Variants in MYOCD observed in about 807,000 individuals in gnomAD.
MYOCD encodes myocardin.
Under a neutral mutation model 96.1 loss-of-function variants are expected in MYOCD, and 32 were observed. The ratio of observed to expected loss-of-function variants is 0.33; its 90% CI spans 0.25 to 0.45. The LOEUF is 0.45. MYOCD is among the 20% of genes least tolerant of loss of function. The pLI is 1.00. For synonymous variants in MYOCD, 469 were observed against 469.0 expected, an observed-to-expected ratio of 1.00 and a Z score of 0.00; for missense variants, 1,133 against 1,200.6, an observed-to-expected ratio of 0.94 and a Z score of 0.83.
intron 1 of MYOCD, among the ~76,000 whole-genome samples, chr17:12,687,594 T>C (rs1343074851): frequency 1.3e-5 from 2 of 152,354 alleles, no homozygotes; most frequent in African/African-American, 2.4e-5. Flanking sequence ...AAGTATATAA[T>C]AAACAGAAAC....
At chr17:12,712,327 A>G (rs1203038282) in intron 2 of MYOCD, among the ~76,000 whole-genome samples, 1 of 152,140 alleles carries the variant, frequency 6.6e-6, no homozygotes, top group African/African-American at 2.4e-5. Flanking sequence ...CTGCAGCTGA[A>G]TGGTCCCATT....
At chr17:12,702,182 C>A (rs1411109138) in intron 1 of MYOCD, among the ~76,000 whole-genome samples, 1 of 151,814 alleles carries the variant, frequency 6.6e-6, no homozygotes, top group East Asian at 1.9e-4. Flanking sequence ...CTATTTATTC[C>A]TTTAATTCTG....
chr17:12,666,504 G>A lies in MYOCD; in HGVS notation c.55+261G>A, dbSNP rs554759495. On this transcript the variant is annotated intron_variant, in intron 1 of 13. Coordinates refer to ENST00000425538, the MANE Select transcript of MYOCD (RefSeq NM_001146312.3). ...TTTATTTTATTTTCTCTGCATCTAT[G>A]AATAGAAATTTTGGAGGGGTACATT... Among the ~76,000 whole-genome samples, 3 of 152,220 alleles carry A rather than the reference G, an allele frequency of 2.0e-5. No individual in the cohort carries two copies. The South Asian group carries it at 6.2e-4, about 32-fold the overall frequency.
intron 1 of MYOCD, among the ~76,000 whole-genome samples, chr17:12,692,967 C>A (rs559266859): frequency 6.6e-6 from 1 of 152,156 alleles, no homozygotes; most frequent in South Asian, 2.1e-4. Context: ...GGTCGCAGCT[C>A]CCGTGTTGTG....
At chr17:12,755,866 C>T (rs1407074316) in intron 10 of MYOCD, among the ~76,000 whole-genome samples, 1 of 151,852 alleles carries the variant, frequency 6.6e-6, no homozygotes, top group South Asian at 2.1e-4. Flanking sequence ...AGTGAGACTC[C>T]GTCTAAAAAT....
chr17:12,753,202 A>T lies in MYOCD; in HGVS notation c.1914A>T (p.Ser638=). ...FLSPQCSPQH[S]PLGAVKSPQH... Reference sequence around the variant, plus strand: ...GCCCCCAGTGTTCCCCTCAGCATTCACCGCTGGGGGCTGTGAAAAGCCCAC... The same window carrying T: ...GCCCCCAGTGTTCCCCTCAGCATTCTCCGCTGGGGGCTGTGAAAAGCCCAC... The change falls in exon 10 of 14, where the codon TCA becomes TCT. Residue 638 remains serine (S), a synonymous_variant. Transcript: ENST00000425538. 6.2e-7 allele frequency: 1 copy of T among 1,614,054 alleles called. No individual in the cohort carries two copies. Among genetic ancestry groups the T allele is most frequent in the East Asian group, 2.2e-5 (1 of 44,850 alleles).
chr17:12,705,009 C>A, intron 1 of MYOCD, 119 bp from the exon 2 acceptor site: 1 of 670,642 alleles, frequency 1.5e-6, no homozygotes, highest in Non-Finnish European at 2.6e-6. Context: ...AAATGTACTT[C>A]AAATAATTTA....
In MYOCD at chr17:12,752,007, C is replaced by T. The variant is rs527531370; in HGVS notation, c.1126-407C>T. On this transcript the variant is annotated intron_variant, in intron 9 of 13. Coordinates refer to ENST00000425538, the MANE Select transcript of MYOCD (RefSeq NM_001146312.3). ...AGAACGTGGTAGGAAGAGCCCTCACCAAGGAAGCCAGAAAAGCTGCAGACT... is the reference window on the plus strand; with the variant it reads ...AGAACGTGGTAGGAAGAGCCCTCACTAAGGAAGCCAGAAAAGCTGCAGACT... Among the ~76,000 whole-genome samples the T allele has an allele frequency of 4.6e-5, 7 of 152,228 alleles. No homozygotes were observed. In the South Asian group the frequency reaches 1.5e-3, roughly 32 times the overall value.
Position 12,763,287 on chromosome 17 carries a change from G to A in MYOCD, c.2604G>A (p.Met868Ile), listed in dbSNP as rs774532349. The change falls in exon 14 of 14, where the codon ATG becomes ATA. Residue 868 changes from methionine (M) to isoleucine (I), a missense_variant. Coordinates refer to ENST00000425538, the MANE Select transcript of MYOCD (RefSeq NM_001146312.3). ...ATTCCCAGAGCCCCCTAGGAAAGAT[G>A]AGTGATGTCACCCTTCTAAAAATTG... ...LLNSQSPLGKMSDVTLLKIGS... is the reference protein window; with the variant it reads ...LLNSQSPLGKISDVTLLKIGS... 1.2e-6 allele frequency: 2 copies of A among 1,612,848 alleles called. No individual in the cohort carries two copies. Among genetic ancestry groups the A allele is most frequent in the Admixed American group, 1.7e-5 (1 of 59,780 alleles).
rs1314324609 is a variant in MYOCD at position 12,756,288 on chromosome 17, A to G, written c.2059-126A>G. ...AGATTTTAGGCAAGTTCATCTGGTA[A>G]TGGAATTTAGGAAGGTTTGTAAAAA... On this transcript the variant is annotated intron_variant, in intron 10 of 13. Transcript: ENST00000425538. 3 of 1,133,396 alleles carry G rather than the reference A, an allele frequency of 2.6e-6. No individual in the cohort carries two copies. In the East Asian group the frequency reaches 7.7e-5, roughly 29 times the overall value. The allele number at this position is 1,133,396 out of a possible 1,614,324, so 70.2% of individuals were successfully genotyped here. A position where few individuals can be genotyped will look rare whatever the true frequency, so the allele number is the denominator to read the frequency against.
chr17:12,731,590 T>C (rs1241973545), intron 5 of MYOCD, among the ~76,000 whole-genome samples: 1 of 152,186 alleles, frequency 6.6e-6, no homozygotes, highest in Admixed American at 6.5e-5. Flanking sequence ...GTGCTTTCCA[T>C]ATGTTATTAC....
intron 10 of MYOCD, among the ~76,000 whole-genome samples, chr17:12,755,064 C>A (rs929559320): frequency 1.3e-5 from 2 of 152,170 alleles, no homozygotes; most frequent in Admixed American, 1.3e-4. Flanking sequence ...CCTACAGGAA[C>A]AATGCATTCC....
chr17:12,754,808 T>A (rs2032966706), intron 10 of MYOCD, among the ~76,000 whole-genome samples: 1 of 152,228 alleles, frequency 6.6e-6, no homozygotes, highest in Non-Finnish European at 1.5e-5. Context: ...ACCTGCTAAG[T>A]GCCAAGCATT....
At position 12,763,932 on chromosome 17, in the gene MYOCD, T is replaced by G; in HGVS notation, c.*288T>G. On this transcript the variant is annotated 3_prime_UTR_variant, in exon 14 of 14. Coordinates refer to ENST00000425538, the MANE Select transcript of MYOCD (RefSeq NM_001146312.3). ...ATTTCACTGCCTTTTCAAAGACCAG[T>G]ATATTTTCTAGCCCATAATTTTTCT... The G allele has an allele frequency of 3.7e-6, 1 of 271,946 alleles. No individual in the cohort carries two copies. Among genetic ancestry groups the G allele is most frequent in the Non-Finnish European group, 6.8e-6 (1 of 146,588 alleles). The allele number at this position is 271,946 out of a possible 1,614,324, so 16.8% of individuals were successfully genotyped here. A position where few individuals can be genotyped will look rare whatever the true frequency, so the allele number is the denominator to read the frequency against.
At position 12,763,208 on chromosome 17, in the gene MYOCD, T is replaced by A. The variant is rs752491187; in HGVS notation, c.2525T>A (p.Ile842Asn). 1.2e-6 allele frequency: 2 copies of A among 1,614,022 alleles called. No individual in the cohort carries two copies. Among genetic ancestry groups the A allele is most frequent in the South Asian group, 2.2e-5 (2 of 91,072 alleles). Residue 842 changes from isoleucine to asparagine, a missense_variant, in exon 14 of 14, where the codon ATC becomes AAC. Transcript: ENST00000425538. ...SFEQASSGSQ[I>N]PFDPYATDSD... ...GAACAAGCCTCTTCAGGCAGCCAGA[T>A]CCCCTTTGATCCCTATGCCACCGAC...
At chr17:12,712,615 G>A (rs2031515087) in intron 2 of MYOCD, among the ~76,000 whole-genome samples, 1 of 152,132 alleles carries the variant, frequency 6.6e-6, no homozygotes, top group Non-Finnish European at 1.5e-5. Flanking sequence ...TATATGCTCG[G>A]CTGACCCAAA....
chr17:12,699,586 CA>C (rs1597752994), intron 1 of MYOCD, among the ~76,000 whole-genome samples: 1 of 152,110 alleles, frequency 6.6e-6, no homozygotes, highest in Admixed American at 6.6e-5. Context: ...TCATATTTAC[CA>C]GGACAACAAA....
At chr17:12,734,504 CTTTTTTTTTTTTT>C (rs3050319) in intron 5 of MYOCD, among the ~76,000 whole-genome samples, 1 of 65,470 alleles carries the variant, frequency 1.5e-5, no homozygotes, top group East Asian at 6.0e-4. Context: ...ACACATGATC[CTTTTTTTTTTTTT>C]TTTTTTTTTT....
chr17:12,757,906 A>G (rs1361030318), intron 11 of MYOCD, among the ~76,000 whole-genome samples, 179 bp from the exon 12 acceptor site: 1 of 152,136 alleles, frequency 6.6e-6, no homozygotes, highest in African/African-American at 2.4e-5. Context: ...GCCACCACCA[A>G]TGAACCCACA....
Sources: gnomAD v4.1 joint callset for allele counts (sites outside exome capture counted in the v4.1 genomes callset) on GRCh38, gnomAD v4.1.1 for gene constraint, MANE v1.5 for transcripts, NCBI Gene and HGNC (gene_info 2026-07-23, HGNC 2026-07-21) for gene names.